LUZP2: variants seen among roughly 807,000 people sequenced by gnomAD.
LUZP2 encodes the protein leucine zipper protein 2.
A neutral mutation model predicts 51.6 loss-of-function variants in LUZP2; 52 were observed. The observed-to-expected ratio is 1.01, with a 90% CI of 0.81 to 1.27. The LOEUF (loss-of-function observed/expected upper bound fraction) is 1.27, where lower values mean the gene tolerates loss of function less well. Ranked by LOEUF, LUZP2 falls within the 50% of genes most tolerant of loss-of-function variation. LUZP2 has a pLI of 0.00. For synonymous variants in LUZP2, 154 were observed against 137.3 expected (o/e 1.12, Z -0.85); for missense variants, 436 against 395.4 (o/e 1.10, Z -0.87).
chr11:24,621,406 T>A (rs933339853), intron 1 of LUZP2, among the ~76,000 whole-genome samples: 1 of 101,610 alleles, frequency 9.8e-6, no homozygotes, highest in Admixed American at 8.6e-5. Context: ...GGTAAATCTA[T>A]TTTTTTTTAT....
At chr11:24,825,367 T>A (rs1850492113) in intron 5 of LUZP2, among the ~76,000 whole-genome samples, 1 of 152,154 alleles carries the variant, frequency 6.6e-6, no homozygotes, top group Admixed American at 6.5e-5. Context: ...GAAAACCCAA[T>A]CACTTTGTAC....
intron 1 of LUZP2, among the ~76,000 whole-genome samples, chr11:24,691,238 T>C (rs1857056365): frequency 6.6e-6 from 1 of 151,998 alleles, no homozygotes; most frequent in Admixed American, 6.6e-5. Flanking sequence ...CAGTCAAAAT[T>C]GTAGAGAAGT....
intron 5 of LUZP2, among the ~76,000 whole-genome samples, chr11:24,897,914 G>A (rs887219076): frequency 2.6e-5 from 4 of 151,744 alleles, no homozygotes; most frequent in South Asian, 2.1e-4. Flanking sequence ...GGATTCCTAC[G>A]CTTTCTGGAA....
intron 7 of LUZP2, among the ~76,000 whole-genome samples, chr11:24,933,977 A>T (rs890837825): frequency 6.6e-6 from 1 of 152,204 alleles, no homozygotes; most frequent in East Asian, 1.9e-4. Flanking sequence ...TGGGGGGAGG[A>T]TATTACAATG....
chr11:25,022,043 C>T (rs1289438479), intron 9 of LUZP2, among the ~76,000 whole-genome samples: 1 of 151,988 alleles, frequency 6.6e-6, no homozygotes, highest in Non-Finnish European at 1.5e-5. Context: ...CCTCCTCAGT[C>T]CAGTACTTGT....
At chr11:24,781,964 A>C (rs1240383984) in intron 5 of LUZP2, among the ~76,000 whole-genome samples, 1 of 152,080 alleles carries the variant, frequency 6.6e-6, no homozygotes, top group East Asian at 1.9e-4. Flanking sequence ...AAATCAATGC[A>C]TATGCCACGG....
intron 5 of LUZP2, among the ~76,000 whole-genome samples, chr11:24,806,835 ACT>A (rs1849868169): frequency 6.6e-6 from 1 of 152,014 alleles, no homozygotes; most frequent in African/African-American, 2.4e-5. Context: ...CAGAAGGGTA[ACT>A]CTGATAAAAT....
chr11:24,553,673 T>C (rs1851783189), intron 1 of LUZP2, among the ~76,000 whole-genome samples: 2 of 152,124 alleles, frequency 1.3e-5, no homozygotes, highest in Non-Finnish European at 2.9e-5. Flanking sequence ...AATTTTCCCT[T>C]AGAGTGAGTT....
At chr11:24,938,676 G>A (rs1355200589) in intron 7 of LUZP2, among the ~76,000 whole-genome samples, 1 of 151,966 alleles carries the variant, frequency 6.6e-6, no homozygotes, top group Non-Finnish European at 1.5e-5. Context: ...ATGGATTGAG[G>A]AAAATGATAC....
Position 24,497,102 on chromosome 11 carries a change from G to T in LUZP2, c.-142G>T. The T allele has an allele frequency of 1.5e-6, 1 of 649,702 alleles. No individual in the cohort carries two copies. The allele number at this position is 649,702 out of a possible 1,614,324, so 40.2% of individuals were successfully genotyped here. Reference sequence around the variant, plus strand: ...CAGCGCCTGCCTTCCCCAGGCGTCCGTTCGTGTGCCCGTCTCCGCCTTTCC... The same window carrying T: ...CAGCGCCTGCCTTCCCCAGGCGTCCTTTCGTGTGCCCGTCTCCGCCTTTCC... On this transcript the variant is annotated 5_prime_UTR_variant, in exon 1 of 12. Coordinates refer to ENST00000336930, the MANE Select transcript of LUZP2 (RefSeq NM_001009909.4).
intron 1 of LUZP2, among the ~76,000 whole-genome samples, chr11:24,700,056 C>CT (rs762849302): frequency 0.27 from 26,375 of 96,320 alleles, 4,610 homozygotes; most frequent in Middle Eastern, 0.33. Flanking sequence ...TTTTCCTCAA[C>CT]TTTTTTTTTT....
intron 4 of LUZP2, among the ~76,000 whole-genome samples, chr11:24,744,832 ATGTAGGCATTTAGGGC>A (rs1162093890): frequency 6.6e-6 from 1 of 151,730 alleles, no homozygotes; most frequent in Non-Finnish European, 1.5e-5. Flanking sequence ...AGTCTTTCTG[ATGTAGGCATTTAGGGC>A]TATGAACTTT....
chr11:24,583,743 G>A (rs1185397119), intron 1 of LUZP2, among the ~76,000 whole-genome samples: 2 of 147,874 alleles, frequency 1.4e-5, no homozygotes, highest in African/African-American at 2.5e-5. Context: ...TCGCTCTGTC[G>A]CCCAGGCTGG....
At chr11:25,069,835 A>AT (rs1233137536) in intron 10 of LUZP2, among the ~76,000 whole-genome samples, 6 of 150,456 alleles carry the variant, frequency 4.0e-5, no homozygotes, top group Non-Finnish European at 7.4e-5. Context: ...GGAATTTCTT[A>AT]TTTTTTTTTA....
chr11:24,750,786 A>G (rs1033397196), intron 4 of LUZP2, among the ~76,000 whole-genome samples: 4 of 152,316 alleles, frequency 2.6e-5, no homozygotes, highest in African/African-American at 9.6e-5. Context: ...AGTACAATAT[A>G]CACATACATG....
chr11:24,515,975 G>A (rs1850450310), intron 1 of LUZP2, among the ~76,000 whole-genome samples: 1 of 152,048 alleles, frequency 6.6e-6, no homozygotes, highest in Admixed American at 6.6e-5. Flanking sequence ...TCCAAAGGAG[G>A]CCCTGATTAT....
chr11:24,601,020 A>T (rs2133862228), intron 1 of LUZP2, among the ~76,000 whole-genome samples: 1 of 152,244 alleles, frequency 6.6e-6, no homozygotes, highest in Admixed American at 6.5e-5. Context: ...AGATGATCTG[A>T]TTGAACCCAA....
At chr11:24,502,637 C>T (rs906320595) in intron 1 of LUZP2, among the ~76,000 whole-genome samples, 2 of 152,098 alleles carry the variant, frequency 1.3e-5, no homozygotes, top group African/African-American at 2.4e-5. Flanking sequence ...ACCCGCCTCT[C>T]GACCTGCCAA....
chr11:24,649,635 C>T (rs929199565), intron 1 of LUZP2, among the ~76,000 whole-genome samples: 2 of 151,824 alleles, frequency 1.3e-5, no homozygotes, highest in African/African-American at 4.8e-5. Flanking sequence ...TCCATCAATT[C>T]CCTTTTGGTA....
Sources: allele counts gnomAD v4.1 joint callset (sites outside exome capture counted in the v4.1 genomes callset), GRCh38; gene constraint gnomAD v4.1.1; transcripts MANE v1.5; gene names NCBI Gene and HGNC (gene_info 2026-07-23, HGNC 2026-07-21).